Variants in ERC2 observed in about 807,000 individuals in gnomAD.
ERC2 encodes the protein ERC protein 2.
Under a neutral mutation model 114.8 loss-of-function variants are expected in ERC2, and 42 were observed. The observed-to-expected ratio is 0.37, with a 90% CI of 0.29 to 0.47. The LOEUF (loss-of-function observed/expected upper bound fraction) is 0.47, where lower values mean the gene tolerates loss of function less well. Ranked by LOEUF, ERC2 falls within the 20% of genes least tolerant of loss-of-function variation. ERC2 has a pLI of 0.99. For synonymous variants in ERC2, 454 were observed against 425.5 expected (o/e 1.07, Z -0.82); for missense variants, 939 against 1,150.7 (o/e 0.82, Z 2.66).
At chr3:55,599,161 AT>A (rs1367741329) in intron 17 of ERC2, among the ~76,000 whole-genome samples, 2 of 152,206 alleles carry the variant, frequency 1.3e-5, no homozygotes, top group Non-Finnish European at 2.9e-5. Context: ...ACTAATAACT[AT>A]AACCTCCCCT....
At chr3:55,536,958 A>G (rs2054038054) in intron 17 of ERC2, among the ~76,000 whole-genome samples, 1 of 152,262 alleles carries the variant, frequency 6.6e-6, no homozygotes, top group South Asian at 2.1e-4. Context: ...GACATCAGTC[A>G]CATTAAAAAA....
chr3:55,747,711 T>A (rs1039811958), intron 14 of ERC2, among the ~76,000 whole-genome samples: 1 of 152,224 alleles, frequency 6.6e-6, no homozygotes, highest in African/African-American at 2.4e-5. Context: ...GTTTCACCAA[T>A]GCATCACAGC....
chr3:55,724,495 C>T (rs562227447), intron 15 of ERC2, among the ~76,000 whole-genome samples: 12 of 152,312 alleles, frequency 7.9e-5, no homozygotes, highest in Non-Finnish European at 1.5e-4. Context: ...CCACCCCTTA[C>T]CAGCTGTGGC....
At chr3:55,593,628 C>T (rs114380093) in intron 17 of ERC2, among the ~76,000 whole-genome samples, 313 of 152,326 alleles carry the variant, frequency 2.1e-3, no homozygotes, top group African/African-American at 7.1e-3. Context: ...CTTTCCTCCC[C>T]TAGTAATATC....
At chr3:55,706,994 G>A (rs921131589) in intron 15 of ERC2, among the ~76,000 whole-genome samples, 3 of 152,184 alleles carry the variant, frequency 2.0e-5, no homozygotes, top group Non-Finnish European at 2.9e-5. Context: ...TAAAAAATGG[G>A]CAAGAGAGGG....
intron 2 of ERC2, among the ~76,000 whole-genome samples, chr3:56,333,184 T>A (rs951610716): frequency 6.6e-6 from 1 of 152,200 alleles, no homozygotes; most frequent in Non-Finnish European, 1.5e-5. Flanking sequence ...CCTATACAGC[T>A]GGTAAGAATG....
At chr3:56,457,012 A>G (rs903595344) in intron 1 of ERC2, among the ~76,000 whole-genome samples, 2 of 152,258 alleles carry the variant, frequency 1.3e-5, no homozygotes, top group African/African-American at 2.4e-5. Context: ...GTTCTAGCCC[A>G]TAACTCCCAA....
At chr3:56,149,415 A>G (rs1190101521) in intron 4 of ERC2, among the ~76,000 whole-genome samples, 1 of 152,224 alleles carries the variant, frequency 6.6e-6, no homozygotes, top group African/African-American at 2.4e-5. Flanking sequence ...CAACAGTGAT[A>G]AAAGTAATCT....
At chr3:56,330,205 T>C (rs1364273391) in intron 2 of ERC2, among the ~76,000 whole-genome samples, 3 of 152,024 alleles carry the variant, frequency 2.0e-5, no homozygotes, top group Non-Finnish European at 2.9e-5. Flanking sequence ...GGCTAATTTT[T>C]GAATTTATTT....
At chr3:56,317,339 C>A (rs1219416499) in intron 2 of ERC2, among the ~76,000 whole-genome samples, 1 of 152,086 alleles carries the variant, frequency 6.6e-6, no homozygotes, top group Non-Finnish European at 1.5e-5. Context: ...AAGAAGACAG[C>A]TTGATGGCTA....
intron 6 of ERC2, among the ~76,000 whole-genome samples, chr3:56,095,888 T>C (rs764083739): frequency 7.7e-4 from 118 of 152,340 alleles, no homozygotes; most frequent in Non-Finnish European, 1.3e-3. Flanking sequence ...TCTAGCATAT[T>C]AATACATTGT....
intron 2 of ERC2, among the ~76,000 whole-genome samples, chr3:56,355,345 T>G (rs2058708062): frequency 6.6e-6 from 1 of 151,368 alleles, no homozygotes; most frequent in South Asian, 2.1e-4. Flanking sequence ...TTTTAACACA[T>G]TCTCACTCTG....
At chr3:56,059,995 T>C (rs1478446581) in intron 7 of ERC2, among the ~76,000 whole-genome samples, 1 of 152,234 alleles carries the variant, frequency 6.6e-6, no homozygotes, top group African/African-American at 2.4e-5. Flanking sequence ...CTCTGAATTC[T>C]CTATCCAGTT....
At chr3:56,235,014 AC>A (rs1174914120) in intron 3 of ERC2, among the ~76,000 whole-genome samples, 1 of 152,200 alleles carries the variant, frequency 6.6e-6, no homozygotes, top group Non-Finnish European at 1.5e-5. Context: ...ATTAGCAGCA[AC>A]AGCATTTTTC....
chr3:56,264,936 T>C (rs1282321318), intron 3 of ERC2, among the ~76,000 whole-genome samples: 3 of 151,778 alleles, frequency 2.0e-5, no homozygotes, highest in African/African-American at 4.8e-5. Context: ...CTATAACACA[T>C]TGATAAAAGA....
intron 17 of ERC2, among the ~76,000 whole-genome samples, chr3:55,638,020 C>A (rs2060025960): frequency 6.6e-6 from 1 of 152,180 alleles, no homozygotes; most frequent in African/African-American, 2.4e-5. Context: ...TTCTGTTAGG[C>A]TCTTAAGCCA....
At chr3:56,305,512 CCACACACA>C (rs58751787) in intron 2 of ERC2, among the ~76,000 whole-genome samples, 3,836 of 144,404 alleles carry the variant, frequency 0.027, 75 homozygotes, top group Non-Finnish European at 0.037. Flanking sequence ...ACTCTCTTAT[CCACACACA>C]CACACACACA....
chr3:55,843,431 A>C (rs1355911284), intron 14 of ERC2, among the ~76,000 whole-genome samples: 1 of 152,214 alleles, frequency 6.6e-6, no homozygotes, highest in Non-Finnish European at 1.5e-5. Flanking sequence ...AATGAGGATA[A>C]AAATATTGAA....
intron 12 of ERC2, among the ~76,000 whole-genome samples, chr3:55,970,885 C>T (rs1380393901): frequency 1.3e-5 from 2 of 152,132 alleles, no homozygotes; most frequent in Non-Finnish European, 2.9e-5. Context: ...ACAACTTGCA[C>T]ATGAATGTCC....
Sources: allele counts gnomAD v4.1 joint callset (sites outside exome capture counted in the v4.1 genomes callset), GRCh38; gene constraint gnomAD v4.1.1; transcripts MANE v1.5; gene names NCBI Gene and HGNC (gene_info 2026-07-23, HGNC 2026-07-21).